Variants in PRICKLE1 observed in about 807,000 individuals in gnomAD.
The protein encoded by PRICKLE1 is prickle-like protein 1.
In PRICKLE1, 14 loss-of-function variants were observed where a neutral mutation model predicts 70.2. The observed-to-expected ratio is 0.20, with a 90% CI of 0.13 to 0.31. The LOEUF (loss-of-function observed/expected upper bound fraction) is 0.31, where lower values mean the gene tolerates loss of function less well. Ranked by LOEUF, PRICKLE1 falls within the 10% of genes least tolerant of loss-of-function variation. PRICKLE1 has a pLI of 1.00. For missense variants in PRICKLE1, 821 were observed against 1,026.2 expected, an observed-to-expected ratio of 0.80 and a Z score of 2.73; for synonymous variants, 357 against 379.9, an observed-to-expected ratio of 0.94 and a Z score of 0.70.
Position 42,562,995 on chromosome 12 carries a change from C to A in PRICKLE1, c.-49+26470G>T, listed in dbSNP as rs1262795040. ...GTCAGGAGTTCGAGACCAGCCTGGC[C>A]CACATGGTGAAACCCTGTCTCTACT... is the stretch of plus-strand genomic sequence containing the variant. On this transcript the variant is annotated intron_variant, in intron 1 of 7. Transcript: ENST00000345127. 2.0e-5 allele frequency among the ~76,000 whole-genome samples: 3 copies of A among 151,742 alleles called. No individual in the cohort carries two copies. In the East Asian group the frequency reaches 5.8e-4, roughly 30 times the overall value.
At chr12:42,493,762 G>A (rs144168605) in intron 1 of PRICKLE1, among the ~76,000 whole-genome samples, 1 of 152,028 alleles carries the variant, frequency 6.6e-6, no homozygotes, top group Non-Finnish European at 1.5e-5. Flanking sequence ...GGAGGCTGAG[G>A]TGGGAGGATC....
chr12:42,499,387 C>T (rs1210159037), intron 1 of PRICKLE1, among the ~76,000 whole-genome samples: 2 of 151,750 alleles, frequency 1.3e-5, no homozygotes, highest in Non-Finnish European at 2.9e-5. Flanking sequence ...TGGCTTTTCT[C>T]TTGGCAGCAT....
In PRICKLE1 at chr12:42,460,062, A is replaced by C; in HGVS notation, c.2243T>G (p.Met748Arg). Residue 748 changes from methionine to arginine, a missense_variant, in exon 8 of 8, where the codon ATG becomes AGG. Physicochemically the swap from Met to Arg is moderately conservative, Grantham distance 91. Transcript: ENST00000345127. Reference sequence around the variant, plus strand: ...GCCGTAGAGTCCCAGAAACCGATTCATTCCTGGGTTCTGCAGGCCATAATC... The same window carrying C: ...GCCGTAGAGTCCCAGAAACCGATTCCTTCCTGGGTTCTGCAGGCCATAATC... ...TSDYGLQNPG[M>R]NRFLGLYGED... 6.2e-7 allele frequency: 1 copy of C among 1,614,122 alleles called. No homozygotes were observed. The highest frequency in any genetic ancestry group is 1.3e-5 in the African/African-American group (1 of 75,038).
intron 4 of PRICKLE1, 103 bp from the exon 5 acceptor site, chr12:42,468,932 T>C: frequency 8.5e-7 from 1 of 1,179,166 alleles, no homozygotes; most frequent in East Asian, 2.5e-5. Context: ...GGAATGTATT[T>C]ATTTTTGCTA....
At chr12:42,520,969 G>A (rs1191203514) in intron 1 of PRICKLE1, among the ~76,000 whole-genome samples, 1 of 152,110 alleles carries the variant, frequency 6.6e-6, no homozygotes, top group African/African-American at 2.4e-5. Context: ...TCAGGAGTAC[G>A]AGATCAGCCT....
At chr12:42,465,416 T>C (rs760582907) in intron 6 of PRICKLE1, 158 bp from the exon 7 acceptor site, 1 of 687,558 alleles carries the variant, frequency 1.5e-6, no homozygotes, top group South Asian at 2.0e-5. Flanking sequence ...GATTCTGTAT[T>C]TGTGAGTGTG....
At chr12:42,565,520 T>C (rs1940607057) in intron 1 of PRICKLE1, among the ~76,000 whole-genome samples, 1 of 151,990 alleles carries the variant, frequency 6.6e-6, no homozygotes, top group Non-Finnish European at 1.5e-5. Flanking sequence ...CAGCATGAAA[T>C]CAACAATGGG....
At position 42,457,709 on chromosome 12, in the gene PRICKLE1, A is replaced by G. The variant is rs574688977; in HGVS notation, c.*2100T>C. 6 of 152,376 alleles carry G rather than the reference A, an allele frequency of 3.9e-5. No individual in the cohort carries two copies. In the East Asian group the frequency reaches 1.2e-3, roughly 29 times the overall value. The allele number at this position is 152,376 out of a possible 1,614,324, so 9.4% of individuals were successfully genotyped here. A position where few individuals can be genotyped will look rare whatever the true frequency, so the allele number is the denominator to read the frequency against. On this transcript the variant is annotated 3_prime_UTR_variant, in exon 8 of 8. Transcript: ENST00000345127. ...AGTCACTGAAAGAATGGGTAGACCT[A>G]TATGCACTAACGTGAAATGTCCACA...
chr12:42,479,187 C>T (rs1938695810), intron 1 of PRICKLE1, among the ~76,000 whole-genome samples: 1 of 152,222 alleles, frequency 6.6e-6, no homozygotes, highest in Non-Finnish European at 1.5e-5. Context: ...ACTAAACAGA[C>T]TTTCTTGAAG....
chr12:42,576,068 C>T (rs1473656949), intron 1 of PRICKLE1, among the ~76,000 whole-genome samples: 1 of 152,164 alleles, frequency 6.6e-6, no homozygotes, highest in Non-Finnish European at 1.5e-5. Flanking sequence ...TGTTTGTATT[C>T]CCAGAACCTA....
At chr12:42,574,683 T>C (rs983030235) in intron 1 of PRICKLE1, among the ~76,000 whole-genome samples, 98 of 152,296 alleles carry the variant, frequency 6.4e-4, no homozygotes, top group African/African-American at 2.2e-3. Flanking sequence ...AGGCAGAACA[T>C]TTCAACCTAA....
chr12:42,586,223 C>A (rs1014653866), intron 1 of PRICKLE1, among the ~76,000 whole-genome samples: 7 of 152,128 alleles, frequency 4.6e-5, no homozygotes, highest in Non-Finnish European at 1.0e-4. Flanking sequence ...TTTAGGCAAT[C>A]TTAATATTCT....
chr12:42,499,535 C>T (rs1939269063), intron 1 of PRICKLE1, among the ~76,000 whole-genome samples: 1 of 151,768 alleles, frequency 6.6e-6, no homozygotes, highest in Non-Finnish European at 1.5e-5. Flanking sequence ...ATTCTCCTAC[C>T]TCAGCCTCCT....
In PRICKLE1 at chr12:42,472,310, T is replaced by C. The variant is rs1020757404; in HGVS notation, c.132+75A>G. On this transcript the variant is annotated intron_variant, in intron 2 of 7. Coordinates refer to ENST00000345127, the MANE Select transcript of PRICKLE1 (RefSeq NM_153026.3). ...CAGCATCTCAGTGATGTTCTATCCATTTACAAAATAATGTTCTAAAGTCTG... is the reference window on the plus strand; with the variant it reads ...CAGCATCTCAGTGATGTTCTATCCACTTACAAAATAATGTTCTAAAGTCTG... 2.6e-6 allele frequency: 4 copies of C among 1,522,032 alleles called. No individual in the cohort carries two copies. In the African/African-American group the frequency reaches 5.5e-5, roughly 21 times the overall value. The allele number at this position is 1,522,032 out of a possible 1,614,324, so 94.3% of individuals were successfully genotyped here. A position where few individuals can be genotyped will look rare whatever the true frequency, so the allele number is the denominator to read the frequency against.
chr12:42,472,282 T>C, intron 2 of PRICKLE1, 103 bp downstream of exon 2: 1 of 1,287,728 alleles, frequency 7.8e-7, no homozygotes, highest in Non-Finnish European at 1.1e-6. Context: ...GAGGGTGGTA[T>C]TCCAGCATCT....
chr12:42,549,159 A>C (rs1940265536), intron 1 of PRICKLE1, among the ~76,000 whole-genome samples: 1 of 147,442 alleles, frequency 6.8e-6, no homozygotes. Flanking sequence ...GATAAAGATC[A>C]CCTCTCTCCA....
At chr12:42,469,893 C>A (rs1401774131) in intron 3 of PRICKLE1, 4 of 499,086 alleles carry the variant, frequency 8.0e-6, no homozygotes, top group African/African-American at 7.7e-5. Flanking sequence ...TTGTTAATTG[C>A]CACTTTTACT....
At chr12:42,543,561 C>T (rs919960424) in intron 1 of PRICKLE1, among the ~76,000 whole-genome samples, 3 of 152,020 alleles carry the variant, frequency 2.0e-5, no homozygotes, top group East Asian at 3.9e-4. Flanking sequence ...CTCGCTCTGT[C>T]GCCCAGTCTG....
rs187818599 is a variant in PRICKLE1 at position 42,567,752 on chromosome 12, G to A, written c.-49+21713C>T. On this transcript the variant is annotated intron_variant, in intron 1 of 7. Coordinates refer to ENST00000345127, the MANE Select transcript of PRICKLE1 (RefSeq NM_153026.3). ...TGAGGCAGGAGAATAGCTTGAACCC[G>A]GGAGGCAGAGGTTGCAGTGAGCCAA... Among the ~76,000 whole-genome samples the A allele has an allele frequency of 3.1e-3, 460 of 150,114 alleles. 3 individuals are homozygous for A. Among genetic ancestry groups the A allele is most frequent in the African/African-American group, 0.01 (427 of 40,744 alleles).
Sources: allele counts gnomAD v4.1 joint callset (sites outside exome capture counted in the v4.1 genomes callset), GRCh38; gene constraint gnomAD v4.1.1; transcripts MANE v1.5; gene names NCBI Gene and HGNC (gene_info 2026-07-23, HGNC 2026-07-21).